Variants in MNAT1 observed in about 807,000 individuals in gnomAD.
MNAT1 encodes the protein CDK-activating kinase assembly factor MAT1.
MNAT1 carries 43 observed loss-of-function variants against 42.0 expected under a neutral mutation model. That is an observed-to-expected ratio of 1.02 (90% confidence interval 0.80 to 1.32). The LOEUF is 1.32. Among genes scored for constraint, MNAT1 ranks in the 40% most tolerant of loss-of-function variants. The pLI, the probability that MNAT1 is intolerant of heterozygous loss-of-function variation, is 0.00. For synonymous variants in MNAT1, 118 were observed against 120.0 expected, an observed-to-expected ratio of 0.98 and a Z score of 0.11; for missense variants, 306 against 350.4, an observed-to-expected ratio of 0.87 and a Z score of 1.01.
At chr14:60,953,448 G>T (rs1453957977) in intron 7 of MNAT1, among the ~76,000 whole-genome samples, 1 of 152,096 alleles carries the variant, frequency 6.6e-6, no homozygotes, top group Non-Finnish European at 1.5e-5. Flanking sequence ...GAGGTCACAG[G>T]GTTGGGAAAG....
chr14:60,811,162 C>T (rs969923459), intron 4 of MNAT1, among the ~76,000 whole-genome samples: 1 of 151,956 alleles, frequency 6.6e-6, no homozygotes, highest in Admixed American at 6.6e-5. Flanking sequence ...TGAATGGTGC[C>T]AGCATTCATC....
At chr14:60,750,074 A>G (rs928332864) in intron 1 of MNAT1, among the ~76,000 whole-genome samples, 2 of 152,100 alleles carry the variant, frequency 1.3e-5, no homozygotes, top group Non-Finnish European at 2.9e-5. Flanking sequence ...CCAGTATTTT[A>G]TACTATCTAG....
At chr14:60,836,774 G>T (rs894963671) in intron 6 of MNAT1, among the ~76,000 whole-genome samples, 1 of 152,186 alleles carries the variant, frequency 6.6e-6, no homozygotes, top group African/African-American at 2.4e-5. Context: ...GTTGTGCCAG[G>T]AGATCTGCTG....
chr14:60,942,918 G>A (rs1207441955), intron 7 of MNAT1, among the ~76,000 whole-genome samples: 1 of 150,704 alleles, frequency 6.6e-6, no homozygotes, highest in Non-Finnish European at 1.5e-5. Context: ...ATTTACAGAT[G>A]TATTTTTAAT....
At chr14:60,956,148 C>T (rs2036484246) in intron 7 of MNAT1, among the ~76,000 whole-genome samples, 1 of 151,842 alleles carries the variant, frequency 6.6e-6, no homozygotes, top group South Asian at 2.1e-4. Flanking sequence ...ATAAATTTCT[C>T]AGGACTGCTT....
chr14:60,952,427 A>G (rs1332189995), intron 7 of MNAT1, among the ~76,000 whole-genome samples: 1 of 152,204 alleles, frequency 6.6e-6, no homozygotes, highest in South Asian at 2.1e-4. Context: ...AGGGAGATCA[A>G]TTAAGAGACT....
chr14:60,762,288 A>G (rs1419563418), intron 1 of MNAT1, among the ~76,000 whole-genome samples: 1 of 152,226 alleles, frequency 6.6e-6, no homozygotes, highest in African/African-American at 2.4e-5. Context: ...ACTCAGCTTC[A>G]TGAAAAAATT....
intron 6 of MNAT1, among the ~76,000 whole-genome samples, chr14:60,877,126 C>G (rs2034451886): frequency 6.6e-6 from 1 of 151,984 alleles, no homozygotes; most frequent in African/African-American, 2.4e-5. Flanking sequence ...TTAATAATAG[C>G]CATCTTAAAT....
chr14:60,895,596 A>T (rs372329600), intron 7 of MNAT1, among the ~76,000 whole-genome samples: 9 of 152,280 alleles, frequency 5.9e-5, no homozygotes, highest in Admixed American at 3.3e-4. Flanking sequence ...TTTTCCTACA[A>T]AGGGAACTAG....
intron 7 of MNAT1, among the ~76,000 whole-genome samples, chr14:60,950,107 T>G (rs2036353463): frequency 6.6e-6 from 1 of 152,152 alleles, no homozygotes; most frequent in African/African-American, 2.4e-5. Context: ...TCTAAGTTGT[T>G]GACATGATTC....
intron 1 of MNAT1, among the ~76,000 whole-genome samples, chr14:60,786,413 C>T (rs559476971): frequency 2.6e-5 from 4 of 152,024 alleles, no homozygotes; most frequent in Non-Finnish European, 4.4e-5. Context: ...TATAAGCAAT[C>T]TTTTATTGGT....
chr14:60,825,972 C>T (rs763965757), intron 6 of MNAT1, among the ~76,000 whole-genome samples: 20 of 152,182 alleles, frequency 1.3e-4, no homozygotes, highest in Middle Eastern at 3.4e-3. Flanking sequence ...GGAAATAGAT[C>T]CTTTGAGATG....
At chr14:60,758,206 T>C (rs1250604438) in intron 1 of MNAT1, among the ~76,000 whole-genome samples, 1 of 149,056 alleles carries the variant, frequency 6.7e-6, no homozygotes, top group Non-Finnish European at 1.5e-5. Flanking sequence ...TACTTGGACT[T>C]TTTTTTTTTT....
intron 7 of MNAT1, among the ~76,000 whole-genome samples, chr14:60,880,994 G>A (rs1418617145): frequency 6.6e-6 from 1 of 152,122 alleles, no homozygotes; most frequent in African/African-American, 2.4e-5. Flanking sequence ...CTCTTACAAA[G>A]AGCCAGAATC....
chr14:60,787,020 A>C (rs2031673246), intron 1 of MNAT1, among the ~76,000 whole-genome samples: 1 of 152,176 alleles, frequency 6.6e-6, no homozygotes, highest in Non-Finnish European at 1.5e-5. Context: ...GTAGAATTAT[A>C]GTAAAGGTCT....
chr14:60,841,099 A>G (rs1295545553), intron 6 of MNAT1, among the ~76,000 whole-genome samples: 2 of 151,906 alleles, frequency 1.3e-5, no homozygotes, highest in African/African-American at 2.4e-5. Flanking sequence ...TGATGTTAAA[A>G]TTTCCTGTTT....
intron 1 of MNAT1, among the ~76,000 whole-genome samples, chr14:60,753,159 G>T: frequency 6.6e-6 from 1 of 152,186 alleles, no homozygotes; most frequent in Non-Finnish European, 1.5e-5. Context: ...TGTGCATCAG[G>T]AATTTGGGCA....
At chr14:60,944,257 G>A (rs943857064) in intron 7 of MNAT1, among the ~76,000 whole-genome samples, 8 of 152,194 alleles carry the variant, frequency 5.3e-5, no homozygotes, top group African/African-American at 1.4e-4. Context: ...ATCAGAGATC[G>A]TAAGTTTCTA....
At chr14:60,799,843 TG>T (rs896822310) in intron 3 of MNAT1, among the ~76,000 whole-genome samples, 22 of 152,036 alleles carry the variant, frequency 1.4e-4, no homozygotes, top group Non-Finnish European at 2.2e-4. Flanking sequence ...GTCTGGATAT[TG>T]GGGGTATACA....
Sources: allele counts gnomAD v4.1 joint callset (sites outside exome capture counted in the v4.1 genomes callset), GRCh38; gene constraint gnomAD v4.1.1; transcripts MANE v1.5; gene names NCBI Gene and HGNC (gene_info 2026-07-23, HGNC 2026-07-21).